CRPPA: variants seen among roughly 807,000 people sequenced by gnomAD.
CRPPA encodes D-ribitol-5-phosphate cytidylyltransferase.
In CRPPA, 43 loss-of-function variants were observed where a neutral mutation model predicts 52.0. The observed-to-expected ratio is 0.83, with a 90% CI of 0.65 to 1.07. The LOEUF (loss-of-function observed/expected upper bound fraction) is 1.07. CRPPA is among the 50% of genes least tolerant of loss of function. CRPPA has a pLI of 0.00. For synonymous variants in CRPPA, 250 were observed against 203.5 expected (o/e 1.23, Z -1.94); for missense variants, 629 against 551.7 (o/e 1.14, Z -1.40).
At chr7:16,141,265 G>T (rs1478041702) in intron 9 of CRPPA, among the ~76,000 whole-genome samples, 1 of 151,984 alleles carries the variant, frequency 6.6e-6, no homozygotes, top group Non-Finnish European at 1.5e-5. Flanking sequence ...ATAGGAAAAA[G>T]AAAACACCAA....
intron 9 of CRPPA, among the ~76,000 whole-genome samples, chr7:16,110,649 C>G (rs773173728): frequency 3.3e-5 from 5 of 152,014 alleles, no homozygotes; most frequent in African/African-American, 1.2e-4. Context: ...CATGCATATA[C>G]AGTCAATTGA....
intron 3 of CRPPA, among the ~76,000 whole-genome samples, chr7:16,366,309 T>C (rs1047444718): frequency 2.0e-5 from 3 of 152,128 alleles, no homozygotes; most frequent in African/African-American, 7.2e-5. Flanking sequence ...GTTCAGACCA[T>C]AGCAATAAGT....
At chr7:16,113,350 A>T (rs536303355) in intron 9 of CRPPA, among the ~76,000 whole-genome samples, 11 of 152,218 alleles carry the variant, frequency 7.2e-5, no homozygotes, top group African/African-American at 1.9e-4. Flanking sequence ...AAGAATGTCA[A>T]ATATATATTT....
chr7:16,266,022 C>A lies in CRPPA; in HGVS notation c.934-7010G>T, dbSNP rs1243724797. ...TTACCTTGTCACAGACATCACAACA[C>A]CCTTACCCAGAGAGGAGTAATTCTA... is the stretch of plus-strand genomic sequence containing the variant. On this transcript the variant is annotated intron_variant, in intron 6 of 9. Transcript: ENST00000407010. Among the ~76,000 whole-genome samples, 4 of 152,280 alleles carry A rather than the reference C, an allele frequency of 2.6e-5. No homozygotes were observed. In the East Asian group the frequency reaches 7.7e-4, roughly 29 times the overall value.
chr7:16,134,133 A>G lies in CRPPA; in HGVS notation c.1252-42334T>C, dbSNP rs1224124968. Among the ~76,000 whole-genome samples the G allele has an allele frequency of 2.4e-5, 3 of 124,108 alleles. 1 individual carries two copies. In the Admixed American group the frequency reaches 2.4e-4, roughly 10 times the overall value. 81.4% of individuals were successfully genotyped at this position (124,108 alleles called of 152,430 possible). A position where few individuals can be genotyped will look rare whatever the true frequency, so the allele number is the denominator to read the frequency against. ...TTTTTAGCAGAGACGGGGTTTCACC[A>G]TGTTAGTCAGGATGGTCTCAATCCC... On this transcript the variant is annotated intron_variant, in intron 9 of 9. Coordinates refer to ENST00000407010, the MANE Select transcript of CRPPA (RefSeq NM_001101426.4).
intron 3 of CRPPA, among the ~76,000 whole-genome samples, chr7:16,340,304 A>C (rs190488720): frequency 2.9e-4 from 44 of 152,216 alleles, no homozygotes; most frequent in Non-Finnish European, 1.2e-4. Flanking sequence ...AGAAAATGAA[A>C]AGATATGCCA....
chr7:16,306,729 C>A (rs1248795964), intron 4 of CRPPA, among the ~76,000 whole-genome samples: 4 of 152,116 alleles, frequency 2.6e-5, no homozygotes, highest in African/African-American at 4.8e-5. Context: ...TGGGTCAGGA[C>A]CTTTAATGAA....
Position 16,250,631 on chromosome 7 carries a change from A to G in CRPPA, c.1119+7759T>C, listed in dbSNP as rs1029892414. On this transcript the variant is annotated intron_variant, in intron 8 of 9. Coordinates refer to ENST00000407010, the MANE Select transcript of CRPPA (RefSeq NM_001101426.4). ...TTCATATCCAGCCAAACTAAGCTTC[A>G]TAAGTCAAGGAGAAATAAAATCCTT... Among the ~76,000 whole-genome samples the G allele has an allele frequency of 3.3e-5, 5 of 152,186 alleles. No individual in the cohort carries two copies. In the East Asian group the frequency reaches 9.6e-4, roughly 29 times the overall value.
At chr7:16,353,181 C>T (rs1053193736) in intron 3 of CRPPA, among the ~76,000 whole-genome samples, 1 of 151,802 alleles carries the variant, frequency 6.6e-6, no homozygotes, top group Admixed American at 6.6e-5. Context: ...TATAGGGAGA[C>T]CCTGTTTAAA....
chr7:16,271,184 C>T (rs1784081727), intron 6 of CRPPA, among the ~76,000 whole-genome samples: 1 of 152,050 alleles, frequency 6.6e-6, no homozygotes, highest in African/African-American at 2.4e-5. Flanking sequence ...CCCTACAGTC[C>T]CTGTTTGTTC....
chr7:16,383,322 C>T (rs532482570), intron 2 of CRPPA, among the ~76,000 whole-genome samples: 5 of 152,282 alleles, frequency 3.3e-5, no homozygotes, highest in South Asian at 2.1e-4. Context: ...TCATGAACCG[C>T]GAATGCTGCT....
intron 8 of CRPPA, among the ~76,000 whole-genome samples, chr7:16,222,450 AAAAAAAAG>A (rs1381070895): frequency 1.3e-5 from 2 of 152,030 alleles, no homozygotes; most frequent in Admixed American, 6.5e-5. Context: ...ATAATTAAAA[AAAAAAAAG>A]AAAAAAAGAA....
chr7:16,243,752 G>A (rs932340384), intron 8 of CRPPA, among the ~76,000 whole-genome samples: 2 of 152,146 alleles, frequency 1.3e-5, no homozygotes, highest in Admixed American at 1.3e-4. Context: ...GATTGCTTGA[G>A]CTCAGGAGTT....
intron 1 of CRPPA, among the ~76,000 whole-genome samples, chr7:16,410,851 C>T (rs1247081748): frequency 6.6e-6 from 1 of 152,176 alleles, no homozygotes; most frequent in African/African-American, 2.4e-5. Context: ...CTGCCCGAGT[C>T]TTTCATACTC....
chr7:16,138,937 G>A (rs1361162297), intron 9 of CRPPA, among the ~76,000 whole-genome samples: 1 of 152,114 alleles, frequency 6.6e-6, no homozygotes, highest in African/African-American at 2.4e-5. Flanking sequence ...GAGTAGCTGG[G>A]ATTACAGGTG....
At chr7:16,333,486 A>G (rs927313941) in intron 3 of CRPPA, among the ~76,000 whole-genome samples, 2 of 152,358 alleles carry the variant, frequency 1.3e-5, no homozygotes, top group South Asian at 2.1e-4. Context: ...AAAAGAAATG[A>G]ATTTTTGAAA....
intron 9 of CRPPA, among the ~76,000 whole-genome samples, chr7:16,192,202 A>T (rs562259411): frequency 6.6e-6 from 1 of 152,194 alleles, no homozygotes. Context: ...GTAAGAGAAC[A>T]GAGGCATCCT....
chr7:16,117,753 A>G (rs1782405471), intron 9 of CRPPA, among the ~76,000 whole-genome samples: 1 of 152,182 alleles, frequency 6.6e-6, no homozygotes, highest in South Asian at 2.1e-4. Context: ...CTTCCTTGTA[A>G]GAAAGGCCTC....
In CRPPA at chr7:16,135,864, A is replaced by G. The variant is rs137935596; in HGVS notation, c.1252-44065T>C. ...ATACTATTTTTAACTTGCATATGGT[A>G]GTGATTATCTGTTTATCTCTGGAGC... On this transcript the variant is annotated intron_variant, in intron 9 of 9. Transcript: ENST00000407010. 2.2e-3 allele frequency among the ~76,000 whole-genome samples: 331 copies of G among 152,276 alleles called. 3 individuals are homozygous for G. Among genetic ancestry groups the G allele is most frequent in the African/African-American group, 7.6e-3 (316 of 41,558 alleles).
Sources: allele counts gnomAD v4.1 joint callset (sites outside exome capture counted in the v4.1 genomes callset), GRCh38; gene constraint gnomAD v4.1.1; transcripts MANE v1.5; gene names NCBI Gene and HGNC (gene_info 2026-07-23, HGNC 2026-07-21).